THSD7B: variants seen among roughly 807,000 people sequenced by gnomAD.
THSD7B encodes the protein thrombospondin type 1 domain containing 7B.
In THSD7B, 138 loss-of-function variants were observed where a neutral mutation model predicts 213.6. The observed-to-expected ratio is 0.65, with a 90% CI of 0.56 to 0.74. THSD7B has a LOEUF of 0.74. Ranked by LOEUF, THSD7B falls within the 30% of genes least tolerant of loss-of-function variation. THSD7B has a pLI of 0.00. For missense variants in THSD7B, 1,931 were observed against 1,991.5 expected (o/e 0.97, Z 0.58); for synonymous variants, 742 against 687.0 (o/e 1.08, Z -1.25).
At chr2:136,844,768 G>A (rs2433918) in intron 1 of THSD7B, among the ~76,000 whole-genome samples, 43,078 of 152,074 alleles carry the variant, frequency 0.28, 6,648 homozygotes, top group Non-Finnish European at 0.35. Flanking sequence ...GAGCTTGCTT[G>A]CCTGAGGTCA....
intron 9 of THSD7B, among the ~76,000 whole-genome samples, chr2:137,234,865 A>G (rs1681729794): frequency 1.3e-5 from 2 of 152,202 alleles, no homozygotes; most frequent in South Asian, 2.1e-4. Flanking sequence ...TAGTGAGCAT[A>G]TCATACATAT....
chr2:136,946,682 C>T (rs1344255639), intron 2 of THSD7B, among the ~76,000 whole-genome samples: 2 of 152,190 alleles, frequency 1.3e-5, no homozygotes, highest in African/African-American at 4.8e-5. Flanking sequence ...ACTCAAGCCT[C>T]AGCAATGGTG....
In THSD7B at chr2:137,170,919, C is replaced by T. The variant is rs372552552; in HGVS notation, c.1704C>T (p.Ala568=). Residue 568 remains alanine, a synonymous_variant, in exon 7 of 28, where the codon GCC becomes GCT. Coordinates refer to ENST00000409968, the MANE Select transcript of THSD7B (RefSeq NM_001316349.2). The stretch of plus-strand genomic sequence containing the variant: ...GCCTGGGACATCGTATTCTGAAGGC[C>T]GTCTGCCAGAATGACCGCGGTATGA... The part of the protein sequence containing the change: ...KCGLGHRILK[A]VCQNDRGEDV... 1.9e-5 allele frequency: 30 copies of T among 1,612,490 alleles called. No individual in the cohort carries two copies. Among genetic ancestry groups the T allele is most frequent in the Admixed American group, 6.7e-5 (4 of 59,946 alleles).
chr2:137,576,795 AC>A (rs5834564), intron 17 of THSD7B, among the ~76,000 whole-genome samples: 19,606 of 128,202 alleles, frequency 0.15, 1,872 homozygotes, highest in African/African-American at 0.3. Context: ...TAAGAAAAAC[AC>A]CCCCCCCCCT....
chr2:137,618,562 G>A (rs1470672912), intron 19 of THSD7B, 55 bp downstream of exon 19: 13 of 1,498,814 alleles, frequency 8.7e-6, no homozygotes, highest in African/African-American at 2.8e-5. Flanking sequence ...CTTAATATTG[G>A]TCTGCAGTTC....
At chr2:136,881,211 G>C (rs1683617324) in intron 1 of THSD7B, among the ~76,000 whole-genome samples, 1 of 152,120 alleles carries the variant, frequency 6.6e-6, no homozygotes. Context: ...CTTGTCCTCA[G>C]TCTTTCCATC....
intron 7 of THSD7B, among the ~76,000 whole-genome samples, chr2:137,205,720 C>T (rs553768218): frequency 6.6e-6 from 1 of 152,140 alleles, no homozygotes; most frequent in Admixed American, 6.6e-5. Context: ...TAAAGGTTCT[C>T]AGCTCCTCAA....
At chr2:137,299,730 G>A (rs374026561) in intron 12 of THSD7B, among the ~76,000 whole-genome samples, 4 of 152,028 alleles carry the variant, frequency 2.6e-5, no homozygotes, top group Admixed American at 6.6e-5. Flanking sequence ...GGGCTTAACC[G>A]GCTGTTAAAC....
chr2:136,896,255 G>T (rs979438618), intron 2 of THSD7B, among the ~76,000 whole-genome samples: 1 of 152,082 alleles, frequency 6.6e-6, no homozygotes, highest in Non-Finnish European at 1.5e-5. Flanking sequence ...TTGTCTTTTT[G>T]ATTGTAGTTA....
intron 3 of THSD7B, among the ~76,000 whole-genome samples, chr2:137,080,864 G>T (rs541422307): frequency 6.6e-6 from 1 of 152,202 alleles, no homozygotes; most frequent in Non-Finnish European, 1.5e-5. Context: ...TTTTGCCAAA[G>T]ATTTCCAAGT....
At chr2:137,468,153 G>T (rs1432853776) in intron 15 of THSD7B, among the ~76,000 whole-genome samples, 2 of 152,124 alleles carry the variant, frequency 1.3e-5, no homozygotes, top group African/African-American at 4.8e-5. Context: ...ATAGCAGCTG[G>T]CAGGGAGAAG....
At chr2:136,765,717 G>C (rs1033923698) in intron 1 of THSD7B, 30 bp downstream of exon 1, 3 of 152,242 alleles carry the variant, frequency 2.0e-5, no homozygotes, top group African/African-American at 7.2e-5. Context: ...GCCCCGAGTC[G>C]GGGATGCCGG....
chr2:137,469,411 C>T (rs1022089316), intron 15 of THSD7B, among the ~76,000 whole-genome samples: 1 of 152,154 alleles, frequency 6.6e-6, no homozygotes, highest in African/African-American at 2.4e-5. Flanking sequence ...TTATTCAGAA[C>T]ATCGGAAAAA....
At chr2:137,636,942 C>A (rs1284052879) in intron 20 of THSD7B, among the ~76,000 whole-genome samples, 5 of 152,230 alleles carry the variant, frequency 3.3e-5, no homozygotes, top group Non-Finnish European at 7.3e-5. Flanking sequence ...CCTGCCTCAG[C>A]CTTCCAAAAT....
At position 137,053,579 on chromosome 2, in the gene THSD7B, A is replaced by T. The variant is rs115820840; in HGVS notation, c.140-2841A>T. Among the ~76,000 whole-genome samples, 769 of 151,712 alleles carry T rather than the reference A, an allele frequency of 5.1e-3. 7 individuals carry two copies. Among genetic ancestry groups the T allele is most frequent in the African/African-American group, 0.017 (710 of 41,240 alleles). ...TTTGAAAGTGGAGAATTTATAATAAAAAAAAAAAGAGAATGTCATAGTCAA... is the reference window on the plus strand; with the variant it reads ...TTTGAAAGTGGAGAATTTATAATAATAAAAAAAAGAGAATGTCATAGTCAA... On this transcript the variant is annotated intron_variant, in intron 2 of 27. Transcript: ENST00000409968.
At chr2:137,387,108 T>A (rs925333452) in intron 12 of THSD7B, among the ~76,000 whole-genome samples, 1 of 152,184 alleles carries the variant, frequency 6.6e-6, no homozygotes, top group Non-Finnish European at 1.5e-5. Context: ...TGTGTAGCAA[T>A]TAAGAAAAAG....
chr2:136,779,814 A>G (rs1250709997), intron 1 of THSD7B, among the ~76,000 whole-genome samples: 3 of 152,348 alleles, frequency 2.0e-5, no homozygotes, highest in South Asian at 4.1e-4. Flanking sequence ...CAATAAGCCT[A>G]TGAAAAAATG....
Position 137,272,829 on chromosome 2 carries a change from G to A in THSD7B, c.2396+167G>A, listed in dbSNP as rs1025949440. Among the ~76,000 whole-genome samples the A allele has an allele frequency of 1.6e-4, 25 of 152,064 alleles. 1 individual carries two copies. Among genetic ancestry groups the A allele is most frequent in the African/African-American group, 5.5e-4 (23 of 41,514 alleles). On this transcript the variant is annotated intron_variant, in intron 11 of 27. Coordinates refer to ENST00000409968, the MANE Select transcript of THSD7B (RefSeq NM_001316349.2). Reference sequence around the variant, plus strand: ...TACCCTCTTATCTGGAACATATTTGGGAGGAGTAGAGATATGAAAGTCTAA... The same window carrying A: ...TACCCTCTTATCTGGAACATATTTGAGAGGAGTAGAGATATGAAAGTCTAA...
At chr2:137,339,287 G>C (rs1461038290) in intron 12 of THSD7B, among the ~76,000 whole-genome samples, 1 of 151,630 alleles carries the variant, frequency 6.6e-6, no homozygotes, top group Non-Finnish European at 1.5e-5. Context: ...CTGGAGCCAG[G>C]TGTGTTTGTG....
Sources: allele counts gnomAD v4.1 joint callset (sites outside exome capture counted in the v4.1 genomes callset), GRCh38; gene constraint gnomAD v4.1.1; transcripts MANE v1.5; gene names NCBI Gene and HGNC (gene_info 2026-07-23, HGNC 2026-07-21).